Variants in PDE4D observed in about 807,000 individuals in gnomAD.
PDE4D encodes phosphodiesterase 4D.
PDE4D carries 24 observed loss-of-function variants against 87.4 expected under a neutral mutation model. That is an observed-to-expected ratio of 0.27 (90% confidence interval 0.20 to 0.39). The LOEUF (loss-of-function observed/expected upper bound fraction) is 0.39, where lower values mean the gene tolerates loss of function less well. PDE4D is among the 10% of genes least tolerant of loss of function. The pLI, the probability that PDE4D is intolerant of heterozygous loss-of-function variation, is 1.00. For missense variants in PDE4D, 714 were observed against 1,041.0 expected, an observed-to-expected ratio of 0.69 and a Z score of 4.32; for synonymous variants, 384 against 383.2, an observed-to-expected ratio of 1.00 and a Z score of -0.02.
chr5:59,026,531 G>C (rs1360121977), intron 6 of PDE4D, among the ~76,000 whole-genome samples: 1 of 151,472 alleles, frequency 6.6e-6, no homozygotes, highest in Non-Finnish European at 1.5e-5. Context: ...TAAGGCACCA[G>C]ACACTCACTG....
At chr5:60,298,482 T>C (rs1753612791) in intron 1 of PDE4D, among the ~76,000 whole-genome samples, 1 of 152,206 alleles carries the variant, frequency 6.6e-6, no homozygotes, top group African/African-American at 2.4e-5. Flanking sequence ...AAGTCATGAC[T>C]ATGGAAAAAC....
intron 6 of PDE4D, among the ~76,000 whole-genome samples, chr5:59,030,422 CAAAAAAAAAAAAA>C (rs373275661): frequency 1.7e-4 from 10 of 58,300 alleles, no homozygotes; most frequent in African/African-American, 6.3e-4. Context: ...AACAGAGATA[CAAAAAAAAAAAAA>C]AAAAAAAAAA....
At chr5:60,249,808 TA>T (rs1346956255) in intron 1 of PDE4D, among the ~76,000 whole-genome samples, 6 of 152,112 alleles carry the variant, frequency 3.9e-5, no homozygotes, top group Non-Finnish European at 7.4e-5. Flanking sequence ...CTATTTTAAA[TA>T]AAGCAGAAAC....
chr5:59,921,631 C>T (rs1754680671), intron 3 of PDE4D, among the ~76,000 whole-genome samples: 1 of 152,128 alleles, frequency 6.6e-6, no homozygotes, highest in Non-Finnish European at 1.5e-5. Context: ...TGATTAATAG[C>T]TTGAGATTAA....
At chr5:60,482,414 T>C (rs1409374644) in intron 1 of PDE4D, among the ~76,000 whole-genome samples, 3 of 152,210 alleles carry the variant, frequency 2.0e-5, no homozygotes, top group African/African-American at 7.2e-5. Context: ...AACTTTTTAT[T>C]CTTCCCAGAC....
intron 1 of PDE4D, among the ~76,000 whole-genome samples, chr5:59,366,305 C>A (rs1426687061): frequency 6.6e-6 from 1 of 152,084 alleles, no homozygotes; most frequent in Non-Finnish European, 1.5e-5. Flanking sequence ...ACAGGAAAGA[C>A]AATTTGTTTT....
At chr5:59,012,202 C>G (rs1752951561) in intron 6 of PDE4D, among the ~76,000 whole-genome samples, 1 of 152,110 alleles carries the variant, frequency 6.6e-6, no homozygotes, top group South Asian at 2.1e-4. Context: ...AAAAACATGC[C>G]AAATTGTAAA....
intron 10 of PDE4D, among the ~76,000 whole-genome samples, chr5:58,989,355 G>A (rs2153337629): frequency 6.6e-6 from 1 of 152,060 alleles, no homozygotes; most frequent in Non-Finnish European, 1.5e-5. Context: ...AAAAATTAAA[G>A]TATGTCCTTC....
chr5:59,153,633 G>C (rs1779749814), intron 5 of PDE4D, among the ~76,000 whole-genome samples: 5 of 152,184 alleles, frequency 3.3e-5, no homozygotes. Context: ...AAAAGAGTCA[G>C]CTGATCTTCC....
chr5:60,073,168 T>G (rs918326014), intron 2 of PDE4D, among the ~76,000 whole-genome samples: 14 of 152,132 alleles, frequency 9.2e-5, no homozygotes, highest in African/African-American at 3.1e-4. Context: ...TAACTCTTAT[T>G]TTTCTGAGGT....
At chr5:60,021,671 C>T (rs1365225036) in intron 2 of PDE4D, 1 of 152,120 alleles carries the variant, frequency 6.6e-6, no homozygotes, top group African/African-American at 2.4e-5. Flanking sequence ...AAGTCAATTA[C>T]CGGATGCTCT....
At chr5:59,250,939 A>G (rs1468326065) in intron 1 of PDE4D, among the ~76,000 whole-genome samples, 2 of 152,164 alleles carry the variant, frequency 1.3e-5, no homozygotes, top group Admixed American at 6.6e-5. Flanking sequence ...AACACTCCCT[A>G]TTCAATAAAT....
chr5:60,286,101 T>G (rs1420329250), intron 1 of PDE4D, among the ~76,000 whole-genome samples: 1 of 152,160 alleles, frequency 6.6e-6, no homozygotes, highest in African/African-American at 2.4e-5. Flanking sequence ...CTCTTTACCG[T>G]CACCATGAAT....
chr5:60,208,557 AT>A (rs1742818193), intron 1 of PDE4D, among the ~76,000 whole-genome samples: 1 of 152,192 alleles, frequency 6.6e-6, no homozygotes, highest in African/African-American at 2.4e-5. Flanking sequence ...TAGAGGTGTC[AT>A]GAAAAAGGCA....
chr5:59,702,253 A>C (rs1287166855), intron 1 of PDE4D, among the ~76,000 whole-genome samples: 4 of 152,140 alleles, frequency 2.6e-5, no homozygotes, highest in African/African-American at 7.2e-5. Context: ...CCTCTCAAGC[A>C]GCTGGGACTA....
chr5:59,179,690 A>G, intron 5 of PDE4D: 1 of 456,990 alleles, frequency 2.2e-6, no homozygotes, highest in South Asian at 1.6e-5. Context: ...ATAACTTAAT[A>G]AGAGCTCCTC....
At chr5:59,954,861 T>C (rs1758670984) in intron 3 of PDE4D, among the ~76,000 whole-genome samples, 1 of 152,232 alleles carries the variant, frequency 6.6e-6, no homozygotes, top group African/African-American at 2.4e-5. Context: ...TGCACAAACA[T>C]ATTTGTTTAA....
chr5:60,316,860 CT>C (rs1025207190), intron 1 of PDE4D, among the ~76,000 whole-genome samples: 1 of 152,034 alleles, frequency 6.6e-6, no homozygotes, highest in Non-Finnish European at 1.5e-5. Flanking sequence ...GGTGGATAAG[CT>C]TTTGATGTGC....
At chr5:59,754,576 C>T (rs1423848493) in intron 1 of PDE4D, among the ~76,000 whole-genome samples, 2 of 152,064 alleles carry the variant, frequency 1.3e-5, no homozygotes, top group African/African-American at 4.8e-5. Flanking sequence ...TTTCACTTTA[C>T]CTGGGCCCTA....
Sources: gnomAD v4.1 joint callset for allele counts (sites outside exome capture counted in the v4.1 genomes callset) on GRCh38, gnomAD v4.1.1 for gene constraint, MANE v1.5 for transcripts, NCBI Gene and HGNC (gene_info 2026-07-23, HGNC 2026-07-21) for gene names.